ERI3: variants seen among roughly 807,000 people sequenced by gnomAD.
ERI3 encodes ERI1 exoribonuclease family member 3.
In ERI3, 18 loss-of-function variants were observed where a neutral mutation model predicts 44.4. That is an observed-to-expected ratio of 0.41 (90% CI 0.28 to 0.60). ERI3 has a LOEUF of 0.60. ERI3 is among the 20% of genes least tolerant of loss of function. ERI3 has a pLI of 0.36. For synonymous variants in ERI3, 183 were observed against 164.8 expected (o/e 1.11, Z -0.84); for missense variants, 294 against 435.5 (o/e 0.68, Z 2.89).
rs114444164 is a variant in ERI3 at position 44,297,130 on chromosome 1, T to C, written c.758+11180A>G. On this transcript the variant is annotated intron_variant, in intron 6 of 8. Transcript: ENST00000372257. ...GGCCTGTCAGGCTCCCGGGATTCTC[T>C]GGGCTGGCTGGCTTTCTTCCCCAAA... is the stretch of plus-strand genomic sequence containing the variant. Among the ~76,000 whole-genome samples, 723 of 152,270 alleles carry C rather than the reference T, an allele frequency of 4.7e-3. 10 individuals are homozygous for C. The highest frequency in any genetic ancestry group is 0.017 in the African/African-American group (690 of 41,564).
chr1:44,332,978 G>C lies in ERI3; in HGVS notation c.489+6067C>G, dbSNP rs112499334. Reference sequence around the variant, plus strand: ...ACCCTGAAAGAAGAGATGTGTTAAAGTAGAGATATAACTAGAAAGAAAGGC... The same window carrying C: ...ACCCTGAAAGAAGAGATGTGTTAAACTAGAGATATAACTAGAAAGAAAGGC... On this transcript the variant is annotated intron_variant, in intron 3 of 8. Transcript: ENST00000372257. Among the ~76,000 whole-genome samples, 134 of 152,378 alleles carry C rather than the reference G, an allele frequency of 8.8e-4. 1 individual carries two copies. Among genetic ancestry groups the C allele is most frequent in the African/African-American group, 2.8e-3 (117 of 41,596 alleles).
chr1:44,269,958 T>C (rs1645058594), intron 7 of ERI3, among the ~76,000 whole-genome samples: 1 of 152,224 alleles, frequency 6.6e-6, no homozygotes, highest in Non-Finnish European at 1.5e-5. Context: ...TGGGGCTCAA[T>C]GCATTGGTGT....
At chr1:44,332,658 A>G (rs975480359) in intron 3 of ERI3, among the ~76,000 whole-genome samples, 2 of 152,228 alleles carry the variant, frequency 1.3e-5, no homozygotes, top group African/African-American at 4.8e-5. Flanking sequence ...TCTGCTCCAA[A>G]TACAGACAGG....
At chr1:44,320,673 T>C (rs1242004494) in intron 3 of ERI3, among the ~76,000 whole-genome samples, 2 of 152,052 alleles carry the variant, frequency 1.3e-5, no homozygotes, top group Non-Finnish European at 2.9e-5. Context: ...CAAAATTTAA[T>C]CAAAGCAGAG....
intron 7 of ERI3, among the ~76,000 whole-genome samples, chr1:44,272,625 C>T (rs149530589): frequency 6.6e-6 from 1 of 151,806 alleles, no homozygotes; most frequent in Non-Finnish European, 1.5e-5. Context: ...GTGGATCACT[C>T]GAGGCCAGGA....
intron 7 of ERI3, among the ~76,000 whole-genome samples, chr1:44,280,844 A>G (rs2154322989): frequency 6.6e-6 from 1 of 152,318 alleles, no homozygotes. Flanking sequence ...ACTTCCTTCT[A>G]GCCTCATCTC....
At chr1:44,259,695 C>CAG (rs748797587) in intron 7 of ERI3, among the ~76,000 whole-genome samples, 3 of 86,878 alleles carry the variant, frequency 3.5e-5, no homozygotes, top group Non-Finnish European at 5.3e-5. Context: ...CACAGACACA[C>CAG]ACACACACAC....
chr1:44,300,545 G>C (rs914167090), intron 6 of ERI3, among the ~76,000 whole-genome samples: 2 of 152,188 alleles, frequency 1.3e-5, no homozygotes, highest in African/African-American at 4.8e-5. Flanking sequence ...GGGGTGAGAC[G>C]CCTGTTGACT....
intron 7 of ERI3, among the ~76,000 whole-genome samples, chr1:44,272,706 T>C (rs991480683): frequency 5.9e-5 from 9 of 151,944 alleles, no homozygotes; most frequent in Non-Finnish European, 1.3e-4. Flanking sequence ...CTGGGCATGG[T>C]GGCACACCCC....
At chr1:44,339,009 C>A (rs543268486) in intron 3 of ERI3, 36 bp downstream of exon 3, 2 of 1,600,850 alleles carry the variant, frequency 1.2e-6, no homozygotes, top group African/African-American at 1.3e-5. Context: ...CTCCTTGCCC[C>A]CCCCACCTTT....
intron 7 of ERI3, among the ~76,000 whole-genome samples, chr1:44,271,170 C>T (rs1026243039): frequency 3.3e-5 from 5 of 152,222 alleles, no homozygotes; most frequent in Non-Finnish European, 7.3e-5. Context: ...CCACTCTAGA[C>T]ACTGGCCAAT....
intron 6 of ERI3, among the ~76,000 whole-genome samples, chr1:44,286,916 G>A (rs1389148645): frequency 6.6e-6 from 1 of 152,172 alleles, no homozygotes; most frequent in Non-Finnish European, 1.5e-5. Flanking sequence ...TATGCCGTGA[G>A]TCAGGACTCA....
intron 7 of ERI3, among the ~76,000 whole-genome samples, chr1:44,278,643 C>T (rs1645227107): frequency 6.6e-6 from 1 of 152,152 alleles, no homozygotes; most frequent in Non-Finnish European, 1.5e-5. Flanking sequence ...GTTGCCTAGC[C>T]TGGAGTGCTG....
chr1:44,345,346 C>G (rs1425464575), intron 2 of ERI3, among the ~76,000 whole-genome samples: 1 of 152,224 alleles, frequency 6.6e-6, no homozygotes, highest in Admixed American at 6.5e-5. Context: ...GCCACATGTA[C>G]TTGGGATCTC....
At chr1:44,302,104 T>A (rs1461391598) in intron 6 of ERI3, among the ~76,000 whole-genome samples, 3 of 152,212 alleles carry the variant, frequency 2.0e-5, no homozygotes. Context: ...GCAGGCCTGC[T>A]GTGTCCCTAG....
At chr1:44,249,588 C>A (rs1644632431) in intron 7 of ERI3, among the ~76,000 whole-genome samples, 1 of 152,206 alleles carries the variant, frequency 6.6e-6, no homozygotes, top group South Asian at 2.1e-4. Context: ...GCAGAGGTAC[C>A]AGCCACAGCC....
chr1:44,301,299 C>G (rs74623625), intron 6 of ERI3, among the ~76,000 whole-genome samples: 1,855 of 152,310 alleles, frequency 0.012, 72 homozygotes, highest in East Asian at 0.069. Context: ...CCTCCTCCCC[C>G]TGCCCCCACT....
chr1:44,288,954 C>T (rs561126544), intron 6 of ERI3, among the ~76,000 whole-genome samples: 10 of 152,280 alleles, frequency 6.6e-5, no homozygotes, highest in African/African-American at 2.4e-4. Context: ...GACTAGCCTG[C>T]GGGCACAAAC....
At chr1:44,308,073 A>G (rs1423484075) in intron 6 of ERI3, among the ~76,000 whole-genome samples, 1 of 152,212 alleles carries the variant, frequency 6.6e-6, no homozygotes, top group Non-Finnish European at 1.5e-5. Context: ...TGTCATGAGC[A>G]GTGAGACCTG....
Sources: allele counts gnomAD v4.1 joint callset (sites outside exome capture counted in the v4.1 genomes callset), GRCh38; gene constraint gnomAD v4.1.1; transcripts MANE v1.5; gene names NCBI Gene and HGNC (gene_info 2026-07-23, HGNC 2026-07-21).